IPO9: variants seen among roughly 807,000 people sequenced by gnomAD.
IPO9 encodes the protein importin-9.
In IPO9, 28 loss-of-function variants were observed where a neutral mutation model predicts 128.6. The ratio of observed to expected loss-of-function variants is 0.22; its 90% confidence interval spans 0.16 to 0.30. The LOEUF (loss-of-function observed/expected upper bound fraction) is 0.30, where lower values mean the gene tolerates loss of function less well. IPO9 is among the 10% of genes least tolerant of loss of function. The pLI is 1.00. For missense variants in IPO9, 935 were observed against 1,293.9 expected (o/e 0.72, Z 4.26); for synonymous variants, 455 against 475.8 (o/e 0.96, Z 0.57).
intron 4 of IPO9, among the ~76,000 whole-genome samples, chr1:201,851,065 AG>A (rs1157781543): frequency 2.0e-5 from 3 of 152,062 alleles, no homozygotes; most frequent in Admixed American, 1.3e-4. Context: ...ACCCAGGCTC[AG>A]GTACAGTGGC....
intron 1 of IPO9, among the ~76,000 whole-genome samples, chr1:201,841,680 A>G (rs1183142636): frequency 6.6e-6 from 1 of 152,218 alleles, no homozygotes; most frequent in African/African-American, 2.4e-5. Context: ...AGATAAGTAT[A>G]GAATATCTTG....
chr1:201,871,464 GC>G (rs2102889340), intron 19 of IPO9, 137 bp downstream of exon 19: 1 of 574,918 alleles, frequency 1.7e-6, no homozygotes, highest in African/African-American at 2.3e-5. Flanking sequence ...TTGGCTCACT[GC>G]AACCTCCACC....
intron 1 of IPO9, among the ~76,000 whole-genome samples, chr1:201,830,578 C>G (rs1438041078): frequency 2.0e-5 from 3 of 152,160 alleles, no homozygotes; most frequent in Non-Finnish European, 2.9e-5. Context: ...ACAGGAGAAA[C>G]CACTGGTTAG....
rs560078327 is a variant in IPO9, at chr1:201,867,706, G to T, written c.1855+747G>T. ...CATTTTAAGTTTTTTTTTTCCTGTA[G>T]TGAATGTATTTATTAATACCTTATT... On this transcript the variant is annotated intron_variant, in intron 15 of 23. Transcript: ENST00000361565. 1.4e-3 allele frequency among the ~76,000 whole-genome samples: 206 copies of T among 151,478 alleles called. 1 individual carries two copies. Among genetic ancestry groups the T allele is most frequent in the African/African-American group, 4.6e-3 (192 of 41,324 alleles).
In IPO9 at chr1:201,857,882, A is replaced by G. The variant is rs183418973; in HGVS notation, c.1222-565A>G. On this transcript the variant is annotated intron_variant, in intron 11 of 23. Coordinates refer to ENST00000361565, the MANE Select transcript of IPO9 (RefSeq NM_018085.5). ...ACAAAAGGTTGGCAAACCTAGCAAA[A>G]CAAAACAGATTGCTGAAAGATTAAC... Among the ~76,000 whole-genome samples the G allele has an allele frequency of 3.5e-3, 533 of 152,236 alleles. 2 individuals carry two copies. Among genetic ancestry groups the G allele is most frequent in the African/African-American group, 0.012 (513 of 41,552 alleles).
rs1034529385 is a variant in IPO9 at position 201,883,532 on chromosome 1, GT to G, written c.*7479del. 9 of 152,184 alleles carry G rather than the reference GT, an allele frequency of 5.9e-5. No individual in the cohort carries two copies. Among genetic ancestry groups the G allele is most frequent in the African/African-American group, 1.9e-4 (8 of 41,438 alleles). 9.4% of individuals were successfully genotyped at this position (152,184 alleles called of 1,614,324 possible). A position where few individuals can be genotyped will look rare whatever the true frequency, so the allele number is the denominator to read the frequency against. ...CTGGTCACCAAGGCTCCCTGGGAAG[GT>G]CTCTTGTACCTGGGGCACACAGACC... is the stretch of plus-strand genomic sequence containing the variant. On this transcript the variant is annotated 3_prime_UTR_variant, in exon 24 of 24. Transcript: ENST00000361565.
chr1:201,867,178 T>C (rs903602548), intron 15 of IPO9, among the ~76,000 whole-genome samples: 1 of 152,210 alleles, frequency 6.6e-6, no homozygotes, highest in Non-Finnish European at 1.5e-5. Context: ...ACTTACTCTC[T>C]AGTAAGGACT....
At position 201,854,830 on chromosome 1, in the gene IPO9, C is replaced by T; in HGVS notation, c.818C>T (p.Thr273Ile). 1 of 1,607,734 alleles carries T rather than the reference C, an allele frequency of 6.2e-7. No individual in the cohort carries two copies. The change falls in exon 8 of 24, where the codon ACA (threonine) becomes ATA (isoleucine). Residue 273 changes from threonine to isoleucine, a missense_variant. By Grantham distance (89) the Thr-to-Ile change is moderately conservative. Around this residue, in one of 3 missense-constraint regions of IPO9, gnomAD observed 741 missense variants for 1,019.1 expected, o/e 0.73. Coordinates refer to ENST00000361565, the MANE Select transcript of IPO9 (RefSeq NM_018085.5). ...TTTCTCTTAACTTCTTAGGCAGTGA[C>T]AGCCCTAGTGAAAAACTTCCCAAAG... is the stretch of plus-strand genomic sequence containing the variant. ...GFKMEVLKAV[T>I]ALVKNFPKHM... is the part of the protein sequence containing the mutation.
At chr1:201,869,475 C>A in intron 16 of IPO9, 115 bp from the exon 17 acceptor site, 1 of 1,282,986 alleles carries the variant, frequency 7.8e-7, no homozygotes, top group Non-Finnish European at 1.1e-6. Flanking sequence ...ACTTGCCTTT[C>A]ATTAATAAGC....
intron 1 of IPO9, among the ~76,000 whole-genome samples, chr1:201,836,764 A>G (rs74653540): frequency 0.011 from 1,728 of 152,284 alleles, 36 homozygotes; most frequent in African/African-American, 0.04. Flanking sequence ...TCATCCCCCT[A>G]TAACCTAATG....
chr1:201,875,388 A>G (rs1330955386), intron 23 of IPO9, among the ~76,000 whole-genome samples, 160 bp downstream of exon 23: 1 of 152,178 alleles, frequency 6.6e-6, no homozygotes, highest in African/African-American at 2.4e-5. Context: ...CCAGGAGTTC[A>G]AGACCAGTCT....
intron 21 of IPO9, 56 bp from the exon 22 acceptor site, chr1:201,874,776 G>A (rs1680727813): frequency 8.2e-7 from 1 of 1,224,056 alleles, no homozygotes; most frequent in African/African-American, 1.5e-5. Context: ...TTTGGATTTG[G>A]GGAGGGAAAA....
chr1:201,873,854 C>T (rs1198916495), intron 20 of IPO9, among the ~76,000 whole-genome samples: 1 of 152,184 alleles, frequency 6.6e-6, no homozygotes, highest in Non-Finnish European at 1.5e-5. Flanking sequence ...TACTGAGTTG[C>T]CTTTGGCCTG....
intron 21 of IPO9, 79 bp downstream of exon 21, chr1:201,874,451 G>T: frequency 6.6e-7 from 1 of 1,521,134 alleles, no homozygotes; most frequent in African/African-American, 1.4e-5. Flanking sequence ...AACTTGGTTT[G>T]TTGAGTCACT....
intron 13 of IPO9, 61 bp from the exon 14 acceptor site, chr1:201,863,387 G>GA: frequency 6.8e-7 from 1 of 1,476,930 alleles, no homozygotes; most frequent in Non-Finnish European, 9.1e-7. Flanking sequence ...GTGGGAAAGA[G>GA]AAAGAACAAG....
rs1301227586 is a variant in IPO9, at chr1:201,882,573, T to TA, written c.*6520dup. 1.2e-4 allele frequency: 19 copies of TA among 152,172 alleles called. No homozygotes were observed. The highest frequency in any genetic ancestry group is 4.6e-4 in the African/African-American group (19 of 41,428). 9.4% of individuals were successfully genotyped at this position (152,172 alleles called of 1,614,324 possible). The stretch of plus-strand genomic sequence containing the variant: ...TGAGTAACTGGGAAAAGGGTGGCAT[T>TA]ACTGCTGGCTTCCTAAAATTGAAAA... On this transcript the variant is annotated 3_prime_UTR_variant, in exon 24 of 24. Transcript: ENST00000361565.
At position 201,868,659 on chromosome 1, in the gene IPO9, G is replaced by A. The variant is rs780143191; in HGVS notation, c.1867G>A (p.Ala623Thr). ...CTTATCCACTTCAGATCCCGTCGTC[G>A]CCTCACTGGCTCAGGACATCTTCAA... ...FLKYSNDPVV[A>T]SLAQDIFKEL... The change falls in exon 16 of 24, where the codon GCC becomes ACC. Residue 623 changes from alanine to threonine, a missense_variant. Physicochemically the swap from Ala to Thr is moderately conservative, Grantham distance 58. Around this residue, in one of 3 missense-constraint regions of IPO9, gnomAD observed 741 missense variants for 1,019.1 expected, o/e 0.73. Coordinates refer to ENST00000361565, the MANE Select transcript of IPO9 (RefSeq NM_018085.5). The A allele has an allele frequency of 1.1e-5, 18 of 1,613,334 alleles. No homozygotes were observed. In the East Asian group the frequency reaches 1.3e-4, roughly 12 times the overall value.
rs759331817 is a variant in IPO9, at chr1:201,875,949, T to C, written c.3021T>C (p.Tyr1007=). 1.9e-6 allele frequency: 3 copies of C among 1,601,716 alleles called. No individual in the cohort carries two copies. In the Admixed American group the frequency reaches 5.0e-5, roughly 27 times the overall value. ...DPLYQIDLQA[Y]LTDFLCQFAQ... is the part of the protein sequence containing the mutation. ...ACTCTTGCTCTTTCCTCCAGGCATA[T>C]CTCACAGATTTCCTCTGCCAGTTTG... is the stretch of plus-strand genomic sequence containing the variant. The change falls in exon 24 of 24, where the codon TAT becomes TAC. Residue 1007 remains tyrosine (Y), a synonymous_variant. Transcript: ENST00000361565.
chr1:201,870,598 T>C lies in IPO9; in HGVS notation c.2149T>C (p.Leu717=), dbSNP rs746103149. The C allele has an allele frequency of 6.2e-7, 1 of 1,613,904 alleles. No homozygotes were observed. The highest frequency in any genetic ancestry group is 1.3e-5 in the African/African-American group (1 of 75,058). The change falls in exon 18 of 24, where the codon TTG becomes CTG. Residue 717 remains leucine, a synonymous_variant. Transcript: ENST00000361565. This position sits in a 1 kb window ranked among gnomAD's most constrained non-coding sequence, Gnocchi z 4.9. ...NATMQNGGEC[L]RAYVSVTLEQ... is the part of the protein sequence containing the mutation. Reference sequence around the variant, plus strand: ...GTCTCCCCAGAATGGCGGAGAGTGCTTGCGGGCCTATGTGTCAGTGACCCT... The same window carrying C: ...GTCTCCCCAGAATGGCGGAGAGTGCCTGCGGGCCTATGTGTCAGTGACCCT...
Sources: allele counts gnomAD v4.1 joint callset (sites outside exome capture counted in the v4.1 genomes callset), GRCh38; gene constraint gnomAD v4.1.1; regional missense constraint gnomAD v4.1.1; non-coding constraint Gnocchi (gnomAD v3.1); transcripts MANE v1.5; gene names NCBI Gene and HGNC (gene_info 2026-07-23, HGNC 2026-07-21).